Variants in PIK3R3 observed in about 807,000 individuals in gnomAD.
PIK3R3 encodes phosphatidylinositol 3-kinase regulatory subunit gamma.
Under a neutral mutation model 62.9 loss-of-function variants are expected in PIK3R3, and 64 were observed. The ratio of observed to expected loss-of-function variants is 1.02; its 90% confidence interval spans 0.83 to 1.25. The LOEUF is 1.25. Ranked by LOEUF, PIK3R3 falls within the 50% of genes most tolerant of loss-of-function variation. The pLI, the probability that PIK3R3 is intolerant of heterozygous loss-of-function variation, is 0.00. For synonymous variants in PIK3R3, 165 were observed against 189.0 expected, an observed-to-expected ratio of 0.87 and a Z score of 1.04; for missense variants, 614 against 561.6, an observed-to-expected ratio of 1.09 and a Z score of -0.94.
chr1:46,064,080 G>A (rs1648770592), intron 5 of PIK3R3, among the ~76,000 whole-genome samples: 1 of 152,072 alleles, frequency 6.6e-6, no homozygotes, highest in Non-Finnish European at 1.5e-5. Context: ...AGATATGGTG[G>A]TGGATGCCTG....
chr1:46,126,529 C>A (rs1381914281), intron 1 of PIK3R3, among the ~76,000 whole-genome samples: 1 of 150,696 alleles, frequency 6.6e-6, no homozygotes, highest in African/African-American at 2.4e-5. Flanking sequence ...AAGAGTGAGA[C>A]CCTGTCTCAA....
At chr1:46,051,743 T>C (rs1460640011) in intron 7 of PIK3R3, among the ~76,000 whole-genome samples, 2 of 152,172 alleles carry the variant, frequency 1.3e-5, no homozygotes, top group African/African-American at 4.8e-5. Flanking sequence ...TGCTTATCCA[T>C]GGGGAATAGT....
At chr1:46,051,718 G>A (rs1185244140) in intron 7 of PIK3R3, among the ~76,000 whole-genome samples, 1 of 152,006 alleles carries the variant, frequency 6.6e-6, no homozygotes, top group Non-Finnish European at 1.5e-5. Flanking sequence ...TTTGGTTTAT[G>A]AATACTGTAG....
chr1:46,087,100 C>T (rs557230664), intron 1 of PIK3R3, among the ~76,000 whole-genome samples: 1 of 152,272 alleles, frequency 6.6e-6, no homozygotes, highest in South Asian at 2.1e-4. Context: ...GGGAACATCA[C>T]ACACCAGGGC....
the PIK3R3 span, among the ~76,000 whole-genome samples, chr1:46,158,956 G>A: frequency 5.9e-5 from 9 of 152,140 alleles, no homozygotes; most frequent in East Asian, 1.2e-3. Flanking sequence ...GCGTGGTGGC[G>A]CGTGCCTGCT....
Position 46,046,104 on chromosome 1 carries a change from T to C in PIK3R3, c.1017-16A>G, listed in dbSNP as rs1557548544. The C allele has an allele frequency of 2.8e-6, 4 of 1,420,310 alleles. No homozygotes were observed. The South Asian group carries it at 4.9e-5, about 17-fold the overall frequency. The allele number at this position is 1,420,310 out of a possible 1,614,324, so 88.0% of individuals were successfully genotyped here. A position where few individuals can be genotyped will look rare whatever the true frequency, so the allele number is the denominator to read the frequency against. On this transcript the variant is annotated splice_polypyrimidine_tract_variant and intron_variant, in intron 8 of 9. Transcript: ENST00000262741. ...AAAATAGTTCCTAAAAATTAAATAT[T>C]AGTATATTATTCTAACAAGTTACTT...
At chr1:46,134,390 A>G (rs1655853026), upstream of PIK3R3, 2 of 152,262 alleles carry the variant, frequency 1.3e-5, no homozygotes, top group Non-Finnish European at 2.9e-5. Flanking sequence ...TAAAAGGGCC[A>G]GAAAGTATGG....
At chr1:46,054,689 T>C (rs991001202) in intron 7 of PIK3R3, among the ~76,000 whole-genome samples, 30 of 152,232 alleles carry the variant, frequency 2.0e-4, no homozygotes, top group African/African-American at 7.0e-4. Flanking sequence ...TCATGCATTC[T>C]GTCCTATGAA....
intron 1 of PIK3R3, among the ~76,000 whole-genome samples, chr1:46,114,556 C>T (rs369692763): frequency 6.6e-6 from 1 of 152,020 alleles, no homozygotes; most frequent in African/African-American, 2.4e-5. Flanking sequence ...ACCAAGCCTA[C>T]GGAACCTACT....
chr1:46,147,467 G>A, the PIK3R3 span, among the ~76,000 whole-genome samples: 1 of 151,796 alleles, frequency 6.6e-6, no homozygotes, highest in Non-Finnish European at 1.5e-5. Flanking sequence ...CACCAGGCTG[G>A]AGCGCAGTGG....
chr1:46,145,372 A>T, the PIK3R3 span, among the ~76,000 whole-genome samples: 1,186 of 7,760 alleles, frequency 0.15, 7 homozygotes, highest in Admixed American at 0.26. Flanking sequence ...ATAACTTTTT[A>T]AAAAAAAAAA....
the PIK3R3 span, among the ~76,000 whole-genome samples, chr1:46,154,305 C>G: frequency 6.6e-6 from 1 of 152,102 alleles, no homozygotes; most frequent in South Asian, 2.1e-4. Flanking sequence ...TGGTGGTGCA[C>G]GCCTGTAATC....
intron 2 of PIK3R3, among the ~76,000 whole-genome samples, chr1:46,078,927 C>A (rs1314212073): frequency 2.0e-5 from 3 of 151,972 alleles, no homozygotes; most frequent in Non-Finnish European, 4.4e-5. Context: ...CAATTGAATT[C>A]ATAAGACAGA....
chr1:46,074,955 T>A (rs919583408), intron 3 of PIK3R3, among the ~76,000 whole-genome samples: 1 of 152,198 alleles, frequency 6.6e-6, no homozygotes, highest in Non-Finnish European at 1.5e-5. Flanking sequence ...GAAGAGAAGA[T>A]TCTGACTTAG....
chr1:46,127,055 C>G (rs749934813), intron 1 of PIK3R3, among the ~76,000 whole-genome samples: 32 of 151,654 alleles, frequency 2.1e-4, no homozygotes, highest in Admixed American at 1.6e-3. Flanking sequence ...TAATTTTAGG[C>G]TGGGCACGGT....
intron 1 of PIK3R3, chr1:46,105,023 C>T: frequency 1.3e-6 from 1 of 743,544 alleles, no homozygotes; most frequent in Non-Finnish European, 2.5e-6. Flanking sequence ...GAAACATACA[C>T]CTGATTTTCA....
chr1:46,155,120 G>C, the PIK3R3 span, among the ~76,000 whole-genome samples: 306 of 152,214 alleles, frequency 2.0e-3, 2 homozygotes, highest in African/African-American at 7.1e-3. Flanking sequence ...AGGAGTTGAA[G>C]ACCAGCCTGG....
rs1365045564 is a variant in PIK3R3, at chr1:46,087,290, T to C, written c.107-6540A>G. On this transcript the variant is annotated intron_variant, in intron 1 of 9. Transcript: ENST00000262741. Reference sequence around the variant, plus strand: ...TAATAAAAAAAAGAAAGATACAGCATGCTCAGTGCTGTGTTTTAGAATGTA... The same window carrying C: ...TAATAAAAAAAAGAAAGATACAGCACGCTCAGTGCTGTGTTTTAGAATGTA... Among the ~76,000 whole-genome samples, 7 of 150,918 alleles carry C rather than the reference T, an allele frequency of 4.6e-5. No homozygotes were observed. The East Asian group carries it at 1.2e-3, about 25-fold the overall frequency.
intron 5 of PIK3R3, among the ~76,000 whole-genome samples, chr1:46,063,137 A>C (rs932262786): frequency 1.3e-5 from 2 of 152,218 alleles, no homozygotes; most frequent in Admixed American, 6.5e-5. Flanking sequence ...TTATTTATTA[A>C]CTAGTTATTT....
Sources: gnomAD v4.1 joint callset for allele counts (sites outside exome capture counted in the v4.1 genomes callset) on GRCh38, gnomAD v4.1.1 for gene constraint, MANE v1.5 for transcripts, NCBI Gene and HGNC (gene_info 2026-07-23, HGNC 2026-07-21) for gene names.